Variants in EFCAB6 observed in about 807,000 individuals in gnomAD.
The protein encoded by EFCAB6 is EF-hand calcium binding domain 6.
EFCAB6 carries 156 observed loss-of-function variants against 169.8 expected under a neutral mutation model. The ratio of observed to expected loss-of-function variants is 0.92; its 90% CI spans 0.81 to 1.05. EFCAB6 has a LOEUF of 1.05. Ranked by LOEUF, EFCAB6 falls within the 50% of genes least tolerant of loss-of-function variation. EFCAB6 has a pLI of 0.00. For synonymous variants in EFCAB6, 698 were observed against 676.4 expected (o/e 1.03, Z -0.50); for missense variants, 1,800 against 1,829.1 (o/e 0.98, Z 0.29).
intron 10 of EFCAB6, among the ~76,000 whole-genome samples, chr22:43,701,193 A>G (rs1340584948): frequency 2.0e-5 from 3 of 152,148 alleles, no homozygotes; most frequent in African/African-American, 2.4e-5. Context: ...TAGCAAAAGA[A>G]AGAGAAACAC....
At chr22:43,594,810 T>A (rs2051871284) in intron 23 of EFCAB6, among the ~76,000 whole-genome samples, 1 of 152,238 alleles carries the variant, frequency 6.6e-6, no homozygotes, top group Non-Finnish European at 1.5e-5. Flanking sequence ...GGACCTGTCA[T>A]CCAATTGCTG....
chr22:43,784,543 GTA>G lies in EFCAB6; in HGVS notation c.-7-2220_-7-2219del, dbSNP rs767229476. 6.8e-3 allele frequency among the ~76,000 whole-genome samples: 514 copies of G among 75,498 alleles called. 17 individuals carry two copies. The highest frequency in any genetic ancestry group is 0.023 in the African/African-American group (479 of 20,934). 49.5% of individuals were successfully genotyped at this position (75,498 alleles called of 152,430 possible). On this transcript the variant is annotated intron_variant, in intron 2 of 31. Transcript: ENST00000262726. ...TGTGTGTGTGTGTGTGTGTGTGTGT[GTA>G]TATGTATATATACACATATATATGT...
chr22:43,801,888 T>C (rs533605016), intron 2 of EFCAB6, among the ~76,000 whole-genome samples: 5 of 152,292 alleles, frequency 3.3e-5, no homozygotes, highest in Admixed American at 1.3e-4. Flanking sequence ...TGAATGTTCA[T>C]TGACTCGGTT....
At chr22:43,711,443 A>G in intron 10 of EFCAB6, 32 bp downstream of exon 10, 1 of 1,536,306 alleles carries the variant, frequency 6.5e-7, no homozygotes, top group Non-Finnish European at 8.7e-7. Flanking sequence ...CGTTTGGGGA[A>G]AAAAATGTCA....
intron 5 of EFCAB6, among the ~76,000 whole-genome samples, chr22:43,760,654 C>CTTT (rs2061131696): frequency 1.9e-5 from 2 of 105,528 alleles, no homozygotes. Context: ...GGAGTAGGTG[C>CTTT]ATTTTTTTTT....
chr22:43,778,320 G>A (rs1277909818), intron 3 of EFCAB6, among the ~76,000 whole-genome samples: 1 of 152,234 alleles, frequency 6.6e-6, no homozygotes, highest in Non-Finnish European at 1.5e-5. Flanking sequence ...ACCAAAGGCT[G>A]GGGCTAGAGG....
chr22:43,662,159 AAATAATAATAATAATAATAATAAT>A (rs55680208), intron 17 of EFCAB6, among the ~76,000 whole-genome samples: 2 of 137,184 alleles, frequency 1.5e-5, no homozygotes, highest in Admixed American at 1.5e-4. Context: ...CTCCATTTCA[AAATAATAATAATAATAATAATAAT>A]AATAATAATA....
At chr22:43,618,185 A>AAGGAAGGAGG (rs2053853203) in intron 20 of EFCAB6, among the ~76,000 whole-genome samples, 1 of 107,754 alleles carries the variant, frequency 9.3e-6, no homozygotes, top group African/African-American at 3.8e-5. Flanking sequence ...AAAGAAAGAA[A>AAGGAAGGAGG]GAAAGAAAGA....
At chr22:43,546,046 G>T (rs1253759406) in intron 27 of EFCAB6, among the ~76,000 whole-genome samples, 5 of 152,156 alleles carry the variant, frequency 3.3e-5, no homozygotes, top group Non-Finnish European at 7.3e-5. Context: ...AATATAACAA[G>T]ATTATATGTG....
intron 2 of EFCAB6, among the ~76,000 whole-genome samples, chr22:43,806,398 G>A (rs1309222959): frequency 6.6e-6 from 1 of 151,908 alleles, no homozygotes; most frequent in African/African-American, 2.4e-5. Context: ...GGGACTGCAG[G>A]TGCATGCCAC....
intron 31 of EFCAB6, among the ~76,000 whole-genome samples, chr22:43,529,762 T>A (rs1295799469): frequency 1.3e-5 from 2 of 152,158 alleles, no homozygotes; most frequent in African/African-American, 4.8e-5. Context: ...TGGTCCCTGA[T>A]GATTGTCCAG....
chr22:43,643,358 T>C (rs1366499777), intron 17 of EFCAB6, among the ~76,000 whole-genome samples: 1 of 152,256 alleles, frequency 6.6e-6, no homozygotes, highest in Non-Finnish European at 1.5e-5. Flanking sequence ...CATTGTCTCA[T>C]AGACTCAGCA....
At chr22:43,630,789 G>T (rs1225793768) in intron 19 of EFCAB6, among the ~76,000 whole-genome samples, 1 of 152,212 alleles carries the variant, frequency 6.6e-6, no homozygotes, top group African/African-American at 2.4e-5. Flanking sequence ...CCTCCACGCT[G>T]GAGCCCACAG....
chr22:43,719,131 C>T (rs1383245078), intron 8 of EFCAB6, among the ~76,000 whole-genome samples: 1 of 152,176 alleles, frequency 6.6e-6, no homozygotes, highest in Non-Finnish European at 1.5e-5. Context: ...GCTCACGGCC[C>T]ACAGGTCTGT....
intron 20 of EFCAB6, among the ~76,000 whole-genome samples, chr22:43,623,724 T>C (rs1376156990): frequency 3.0e-5 from 4 of 131,504 alleles, no homozygotes; most frequent in Admixed American, 7.9e-5. Context: ...TGAAACCCCG[T>C]CTCTACTAAA....
chr22:43,740,893 G>A (rs1381907173), intron 6 of EFCAB6, among the ~76,000 whole-genome samples: 1 of 152,160 alleles, frequency 6.6e-6, no homozygotes, highest in Non-Finnish European at 1.5e-5. Flanking sequence ...AGCACGATGC[G>A]CTTTTTTAAA....
intron 26 of EFCAB6, among the ~76,000 whole-genome samples, chr22:43,567,511 T>C (rs1294116511): frequency 6.6e-6 from 1 of 152,162 alleles, no homozygotes; most frequent in Non-Finnish European, 1.5e-5. Flanking sequence ...CTGTGTCAGG[T>C]ACCAGGCAAA....
At chr22:43,790,689 A>C (rs1040690347) in intron 2 of EFCAB6, among the ~76,000 whole-genome samples, 1 of 152,180 alleles carries the variant, frequency 6.6e-6, no homozygotes, top group Non-Finnish European at 1.5e-5. Context: ...AGTGCAGAGG[A>C]GATGATCTGG....
At chr22:43,805,200 C>T (rs2148207496) in intron 2 of EFCAB6, among the ~76,000 whole-genome samples, 1 of 152,096 alleles carries the variant, frequency 6.6e-6, no homozygotes, top group East Asian at 1.9e-4. Flanking sequence ...TATAAAACAC[C>T]AATGAAAGAA....
Sources: gnomAD v4.1 joint callset for allele counts (sites outside exome capture counted in the v4.1 genomes callset) on GRCh38, gnomAD v4.1.1 for gene constraint, MANE v1.5 for transcripts, NCBI Gene and HGNC (gene_info 2026-07-23, HGNC 2026-07-21) for gene names.